CLIC4: variants seen among roughly 807,000 people sequenced by gnomAD.
CLIC4 encodes the protein chloride intracellular channel protein 4.
A neutral mutation model predicts 24.6 loss-of-function variants in CLIC4; 13 were observed. The observed-to-expected ratio is 0.53, with a 90% confidence interval of 0.34 to 0.84. CLIC4 has a LOEUF of 0.84. Among genes scored for constraint, CLIC4 ranks in the 40% least tolerant of loss-of-function variants. The pLI is 0.01. For missense variants in CLIC4, 227 were observed against 301.7 expected (o/e 0.75, Z 1.83); for synonymous variants, 104 against 111.3 (o/e 0.93, Z 0.41).
intron 1 of CLIC4, among the ~76,000 whole-genome samples, chr1:24,757,317 C>A (rs965356764): frequency 6.6e-6 from 1 of 152,210 alleles, no homozygotes; most frequent in African/African-American, 2.4e-5. Flanking sequence ...AGGCATGAGC[C>A]ACTGCACGTG....
chr1:24,798,026 T>C, intron 2 of CLIC4, 175 bp downstream of exon 2: 2 of 514,590 alleles, frequency 3.9e-6, no homozygotes. Context: ...GCTGTCAGTA[T>C]ACTGCGTGGC....
intron 2 of CLIC4, among the ~76,000 whole-genome samples, chr1:24,810,842 T>A (rs1195248827): frequency 1.3e-5 from 2 of 151,942 alleles, no homozygotes; most frequent in Non-Finnish European, 2.9e-5. Context: ...TCCCAGCACT[T>A]TGGGAGGCCG....
intron 2 of CLIC4, among the ~76,000 whole-genome samples, chr1:24,809,882 A>G (rs1639594502): frequency 6.6e-6 from 1 of 152,242 alleles, no homozygotes; most frequent in Non-Finnish European, 1.5e-5. Context: ...AGGCAGAAAC[A>G]TTCTTTGAAA....
At chr1:24,768,361 TTATC>T (rs1281026780) in intron 1 of CLIC4, among the ~76,000 whole-genome samples, 3 of 152,232 alleles carry the variant, frequency 2.0e-5, no homozygotes, top group Non-Finnish European at 4.4e-5. Context: ...TAACTAGCCT[TTATC>T]TAATGCTTTC....
chr1:24,745,544 C>A lies in CLIC4; in HGVS notation c.-10C>A. On this transcript the variant is annotated 5_prime_UTR_variant, in exon 1 of 6. Coordinates refer to ENST00000374379, the MANE Select transcript of CLIC4 (RefSeq NM_013943.3). ...GCCCTCGCCGTTCGCGGAGCGCAGC[C>A]GAGCCGGCCATGGCGTTGTCGATGC... is the stretch of plus-strand genomic sequence containing the variant. The A allele has an allele frequency of 6.3e-7, 1 of 1,581,782 alleles. No homozygotes were observed. The highest frequency in any genetic ancestry group is 8.6e-7 in the Non-Finnish European group (1 of 1,167,600).
intron 1 of CLIC4, among the ~76,000 whole-genome samples, chr1:24,772,711 C>T (rs1000317803): frequency 6.6e-6 from 1 of 152,144 alleles, no homozygotes; most frequent in African/African-American, 2.4e-5. Context: ...GTCTTGAACC[C>T]CTGACCTCAT....
intron 3 of CLIC4, among the ~76,000 whole-genome samples, chr1:24,816,701 G>A (rs946947734): frequency 1.3e-5 from 2 of 152,214 alleles, no homozygotes; most frequent in Non-Finnish European, 1.5e-5. Flanking sequence ...CAGAATGGAT[G>A]TTGTGTTAGC....
intron 5 of CLIC4, among the ~76,000 whole-genome samples, chr1:24,840,266 A>G (rs1005830318): frequency 1.3e-5 from 2 of 152,228 alleles, no homozygotes; most frequent in Admixed American, 6.5e-5. Context: ...GTGACTGCAT[A>G]CAAATTCAAA....
At chr1:24,805,165 AT>A (rs202130277) in intron 2 of CLIC4, among the ~76,000 whole-genome samples, 2 of 150,690 alleles carry the variant, frequency 1.3e-5, no homozygotes, top group Non-Finnish European at 3.0e-5. Flanking sequence ...CATGGGTACT[AT>A]TTTTTTTGAA....
chr1:24,750,432 CTTTCTTTTTTTT>C (rs1638759852), intron 1 of CLIC4, among the ~76,000 whole-genome samples: 1 of 149,294 alleles, frequency 6.7e-6, no homozygotes, highest in South Asian at 2.1e-4. Flanking sequence ...TTCTTTCTTT[CTTTCTTTTTTTT>C]TTTTTTTTTA....
At chr1:24,759,069 C>T (rs1182134069) in intron 1 of CLIC4, among the ~76,000 whole-genome samples, 2 of 152,136 alleles carry the variant, frequency 1.3e-5, no homozygotes, top group East Asian at 3.8e-4. Context: ...TGAAATGTGC[C>T]ATCACCTAGA....
At chr1:24,758,917 TG>T (rs1311128454) in intron 1 of CLIC4, among the ~76,000 whole-genome samples, 1 of 152,176 alleles carries the variant, frequency 6.6e-6, no homozygotes, top group Non-Finnish European at 1.5e-5. Context: ...AGCACTGATC[TG>T]ATATGTAACA....
intron 5 of CLIC4, 95 bp from the exon 6 acceptor site, chr1:24,840,678 T>G: frequency 9.4e-7 from 1 of 1,059,540 alleles, no homozygotes; most frequent in Non-Finnish European, 1.4e-6. Context: ...TCTCAAAGAT[T>G]TAGAGCATTA....
chr1:24,785,314 A>G (rs1639254350), intron 1 of CLIC4, among the ~76,000 whole-genome samples: 1 of 152,184 alleles, frequency 6.6e-6, no homozygotes, highest in Admixed American at 6.5e-5. Flanking sequence ...ACCATGTGCC[A>G]GGAACTGTGT....
chr1:24,828,563 G>A (rs1021471381), intron 4 of CLIC4, among the ~76,000 whole-genome samples: 8 of 151,944 alleles, frequency 5.3e-5, no homozygotes, highest in African/African-American at 1.9e-4. Context: ...CTTAGTTACA[G>A]TTATGTTTTT....
intron 1 of CLIC4, among the ~76,000 whole-genome samples, chr1:24,746,957 C>T (rs896948332): frequency 1.3e-5 from 2 of 152,100 alleles, no homozygotes; most frequent in African/African-American, 4.8e-5. Flanking sequence ...CACTGCATTC[C>T]AGCCTGGGCG....
At chr1:24,807,615 G>A (rs1317589482) in intron 2 of CLIC4, among the ~76,000 whole-genome samples, 1 of 152,146 alleles carries the variant, frequency 6.6e-6, no homozygotes, top group Non-Finnish European at 1.5e-5. Flanking sequence ...GCAGGTAATT[G>A]GAATGAGTCA....
At chr1:24,830,205 C>T (rs1231493368) in intron 4 of CLIC4, among the ~76,000 whole-genome samples, 1 of 151,952 alleles carries the variant, frequency 6.6e-6, no homozygotes, top group Non-Finnish European at 1.5e-5. Context: ...ACTTAATTGC[C>T]CCTCTTTAAT....
At chr1:24,814,299 G>A (rs1044132428) in intron 3 of CLIC4, 80 bp downstream of exon 3, 19 of 1,450,220 alleles carry the variant, frequency 1.3e-5, no homozygotes, top group African/African-American at 4.3e-5. Context: ...GATCTTTCTC[G>A]CAGCATTAAT....
Sources: allele counts gnomAD v4.1 joint callset (sites outside exome capture counted in the v4.1 genomes callset), GRCh38; gene constraint gnomAD v4.1.1; transcripts MANE v1.5; gene names NCBI Gene and HGNC (gene_info 2026-07-23, HGNC 2026-07-21).